CFAP70: variants seen among roughly 807,000 people sequenced by gnomAD.
CFAP70 encodes cilia- and flagella-associated protein 70.
Under a neutral mutation model 137.6 loss-of-function variants are expected in CFAP70, and 81 were observed. That is an observed-to-expected ratio of 0.59 (90% CI 0.49 to 0.71). The LOEUF (loss-of-function observed/expected upper bound fraction) is 0.71. Among genes scored for constraint, CFAP70 ranks in the 30% least tolerant of loss-of-function variants. The pLI, the probability that CFAP70 is intolerant of heterozygous loss-of-function variation, is 0.00. For synonymous variants in CFAP70, 382 were observed against 423.6 expected, an observed-to-expected ratio of 0.90 and a Z score of 1.20; for missense variants, 976 against 1,226.7, an observed-to-expected ratio of 0.80 and a Z score of 3.05.
intron 15 of CFAP70, 182 bp downstream of exon 16, chr10:73,296,860 C>T: frequency 2.1e-6 from 1 of 473,592 alleles, no homozygotes; most frequent in Non-Finnish European, 3.4e-6. Context: ...TTGTTTTTTT[C>T]CAAAATTAGT....
chr10:73,314,990 G>T (rs2050218093), intron 9 of CFAP70, among the ~76,000 whole-genome samples: 1 of 151,578 alleles, frequency 6.6e-6, no homozygotes, highest in African/African-American at 2.4e-5. Context: ...AAGGCAGGAG[G>T]ATCGTTTGAG....
intron 25 of CFAP70, among the ~76,000 whole-genome samples, chr10:73,260,844 T>C (rs1463071804): frequency 6.6e-6 from 1 of 152,248 alleles, no homozygotes; most frequent in African/African-American, 2.4e-5. Context: ...CTCATTTTAT[T>C]TACCCATTCA....
chr10:73,259,763 GTT>G (rs919716129), intron 25 of CFAP70, among the ~76,000 whole-genome samples: 2 of 152,194 alleles, frequency 1.3e-5, no homozygotes. Flanking sequence ...GGGTGCAGCA[GTT>G]CATGCCTGTA....
At chr10:73,341,642 G>A in intron 5 of CFAP70, 61 bp from the exon 7 acceptor site, 1 of 1,394,734 alleles carries the variant, frequency 7.2e-7, no homozygotes, top group Non-Finnish European at 1.0e-6. Context: ...TGGACAAGAA[G>A]ATTATTCAAG....
At chr10:73,303,131 A>G (rs2049094009) in intron 12 of CFAP70, among the ~76,000 whole-genome samples, 1 of 152,126 alleles carries the variant, frequency 6.6e-6, no homozygotes, top group African/African-American at 2.4e-5. Flanking sequence ...TTCTGAGGTC[A>G]AGCAATCTTC....
chr10:73,333,304 G>T (rs1202692192), intron 7 of CFAP70, among the ~76,000 whole-genome samples: 1 of 151,952 alleles, frequency 6.6e-6, no homozygotes, highest in African/African-American at 2.4e-5. Context: ...GTGTAATTAG[G>T]CATAACAGAA....
intron 9 of CFAP70, among the ~76,000 whole-genome samples, chr10:73,319,136 T>C (rs2050646598): frequency 6.6e-6 from 1 of 152,136 alleles, no homozygotes; most frequent in Non-Finnish European, 1.5e-5. Context: ...GAAGTTAAAG[T>C]TCAAGAGATG....
intron 9 of CFAP70, among the ~76,000 whole-genome samples, chr10:73,318,478 T>G (rs1386071605): frequency 1.3e-5 from 2 of 152,246 alleles, no homozygotes; most frequent in Non-Finnish European, 2.9e-5. Flanking sequence ...ATGAACAATA[T>G]TCCCCTATCA....
At chr10:73,358,714 C>A in exon 1 of CFAP70, 1 of 152,522 alleles carries the variant, frequency 6.6e-6, no homozygotes. Flanking sequence ...ACTGTCTTAC[C>A]TGCAGCAGCC....
intron 6 of CFAP70, among the ~76,000 whole-genome samples, chr10:73,340,807 G>T (rs1202020517): frequency 6.6e-6 from 1 of 152,248 alleles, no homozygotes; most frequent in Non-Finnish European, 1.5e-5. Flanking sequence ...GGCACCAGGA[G>T]TAGGCAGAGG....
chr10:73,348,386 T>C (rs2053908022), intron 4 of CFAP70, 37 bp downstream of exon 4: 3 of 1,589,086 alleles, frequency 1.9e-6, no homozygotes, highest in Admixed American at 3.3e-5. Context: ...TTTATGAGCT[T>C]TTCCATTTCT....
intron 25 of CFAP70, among the ~76,000 whole-genome samples, chr10:73,267,780 G>A (rs1044814299): frequency 6.6e-6 from 1 of 152,166 alleles, no homozygotes; most frequent in Non-Finnish European, 1.5e-5. Context: ...TGCAGGCTCT[G>A]GAGAAGAATG....
intron 25 of CFAP70, among the ~76,000 whole-genome samples, chr10:73,261,467 C>T (rs1334485743): frequency 2.6e-5 from 4 of 152,172 alleles, no homozygotes; most frequent in African/African-American, 4.8e-5. Context: ...GAGTAAGTCA[C>T]GTCTTACGTG....
chr10:73,324,552 A>C (rs1406427816), intron 8 of CFAP70, among the ~76,000 whole-genome samples: 2 of 152,188 alleles, frequency 1.3e-5, no homozygotes, highest in Non-Finnish European at 2.9e-5. Context: ...TACAGGAGGA[A>C]ATTCAAACCA....
At chr10:73,299,567 C>G in intron 13 of CFAP70, 38 bp downstream of exon 14, 2 of 1,577,286 alleles carry the variant, frequency 1.3e-6, no homozygotes, top group Non-Finnish European at 1.7e-6. Flanking sequence ...CACTCAATAT[C>G]TTATTACTTA....
chr10:73,336,054 T>C (rs1378358771), intron 6 of CFAP70, among the ~76,000 whole-genome samples: 1 of 151,724 alleles, frequency 6.6e-6, no homozygotes, highest in Non-Finnish European at 1.5e-5. Flanking sequence ...GGCAGGAGGA[T>C]TGCTTGAGCC....
chr10:73,255,897 T>C (rs548352014), intron 26 of CFAP70, among the ~76,000 whole-genome samples: 1 of 152,302 alleles, frequency 6.6e-6, no homozygotes, highest in South Asian at 2.1e-4. Flanking sequence ...CATTCACTTA[T>C]GTATCACCTA....
At chr10:73,354,749 T>C in exon 2 of CFAP70, 1 of 1,614,046 alleles carries the variant, frequency 6.2e-7, no homozygotes, top group Non-Finnish European at 8.5e-7. Context: ...CATATCCCTC[T>C]GTCACGGTGA....
At chr10:73,318,366 G>T (rs1044978146) in intron 9 of CFAP70, among the ~76,000 whole-genome samples, 4 of 151,958 alleles carry the variant, frequency 2.6e-5, no homozygotes, top group African/African-American at 9.7e-5. Context: ...TTAAATTATT[G>T]TGAAAAAATG....
Sources: gnomAD v4.1 joint callset for allele counts (sites outside exome capture counted in the v4.1 genomes callset) on GRCh38, gnomAD v4.1.1 for gene constraint, MANE v1.5 for transcripts, NCBI Gene and HGNC (gene_info 2026-07-23, HGNC 2026-07-21) for gene names.